PPL: variants seen among roughly 807,000 people sequenced by gnomAD.
PPL encodes 190 kDa paraneoplastic pemphigus antigen.
PPL carries 198 observed loss-of-function variants against 194.4 expected under a neutral mutation model. The observed-to-expected ratio is 1.02, with a 90% CI of 0.91 to 1.15. The LOEUF (loss-of-function observed/expected upper bound fraction) is 1.15. Among genes scored for constraint, PPL ranks in the 50% most tolerant of loss-of-function variants. The pLI, the probability that PPL is intolerant of heterozygous loss-of-function variation, is 0.00. For synonymous variants in PPL, 1,220 were observed against 972.4 expected (o/e 1.25, Z -4.74); for missense variants, 2,885 against 2,294.8 (o/e 1.26, Z -5.25).
intron 7 of PPL, 44 bp downstream of exon 7, chr16:4,899,178 TC>T (rs1260962845): frequency 6.2e-7 from 1 of 1,613,550 alleles, no homozygotes; most frequent in Admixed American, 1.7e-5. Context: ...CCGTGCTCCT[TC>T]CAGGGCTGCC....
intron 10 of PPL, 47 bp downstream of exon 10, chr16:4,895,547 G>A (rs199746301): frequency 6.0e-5 from 97 of 1,612,176 alleles, no homozygotes; most frequent in Non-Finnish European, 6.9e-5. Context: ...TGGTGTAGAG[G>A]GGTCCCCCGC....
chr16:4,923,520 G>A (rs912424653), intron 1 of PPL, among the ~76,000 whole-genome samples: 5 of 152,192 alleles, frequency 3.3e-5, no homozygotes, highest in Non-Finnish European at 5.9e-5. Flanking sequence ...CTGGGTGGGG[G>A]TGGCTTCAAG....
intron 2 of PPL, among the ~76,000 whole-genome samples, chr16:4,907,342 ACACACACACACAC>A (rs2088710639): frequency 8.7e-6 from 1 of 115,304 alleles, no homozygotes; most frequent in East Asian, 2.8e-4. Context: ...ACACACACAC[ACACACACACACAC>A]GGACAGATAC....
intron 1 of PPL, among the ~76,000 whole-genome samples, chr16:4,913,045 A>T (rs942397923): frequency 1.3e-5 from 2 of 151,932 alleles, no homozygotes; most frequent in Non-Finnish European, 2.9e-5. Flanking sequence ...TGGAGGTGGC[A>T]GTGAGCTGAG....
chr16:4,921,770 G>T (rs569745287), intron 1 of PPL, among the ~76,000 whole-genome samples: 13 of 152,120 alleles, frequency 8.5e-5, no homozygotes, highest in African/African-American at 2.9e-4. Context: ...CCTGGCCCCA[G>T]CCTGCATTAG....
At chr16:4,908,208 G>C (rs1399054318) in intron 2 of PPL, among the ~76,000 whole-genome samples, 1 of 150,048 alleles carries the variant, frequency 6.7e-6, no homozygotes, top group Non-Finnish European at 1.5e-5. Flanking sequence ...AAATTGTTCA[G>C]GCCAAGCACA....
Position 4,888,181 on chromosome 16 carries a change from A to T in PPL, c.2435T>A (p.Leu812His), listed in dbSNP as rs1567991233. 1.2e-6 allele frequency: 2 copies of T among 1,613,594 alleles called. No individual in the cohort carries two copies. The highest frequency in any genetic ancestry group is 2.7e-5 in the African/African-American group (2 of 74,918). Reference sequence around the variant, plus strand: ...GCTTCTCCTTCCATTCTCCAAGTCGAGAAGAGACCTTAGTTTTTCTGCTTC... The same window carrying T: ...GCTTCTCCTTCCATTCTCCAAGTCGTGAAGAGACCTTAGTTTTTCTGCTTC... Reference protein sequence around the residue: ...ELEAEKLRSLLDLENGRRSHV... With the variant: ...ELEAEKLRSLHDLENGRRSHV... Residue 812 changes from leucine (L) to histidine (H), a missense_variant, in exon 20 of 22, where the codon CTC becomes CAC. By Grantham distance (99) the Leu-to-His change is moderately conservative. Transcript: ENST00000345988.
chr16:4,937,080 GGGCCGGGCGCGCACCGAGGGGC>G lies in PPL; in HGVS notation c.-57_-36del, dbSNP rs1189241987. 1.2e-5 allele frequency: 16 copies of G among 1,306,256 alleles called. No homozygotes were observed. The highest frequency in any genetic ancestry group is 1.6e-5 in the Non-Finnish European group (16 of 1,020,424). The allele number at this position is 1,306,256 out of a possible 1,614,324, so 80.9% of individuals were successfully genotyped here. A position where few individuals can be genotyped will look rare whatever the true frequency, so the allele number is the denominator to read the frequency against. Reference sequence around the variant, plus strand: ...CGGGGTGCGGGCGGCGGCGGCTGGCGGGCCGGGCGCGCACCGAGGGGCGGGCGGGAGCGCAGGTGAGCGAGCG... The same window carrying G: ...CGGGGTGCGGGCGGCGGCGGCTGGCGGGGCGGGAGCGCAGGTGAGCGAGCG... On this transcript the variant is annotated 5_prime_UTR_variant, in exon 1 of 22. Transcript: ENST00000345988.
rs889396569 is a variant in PPL, at chr16:4,884,358, C to A, written c.4297G>T (p.Glu1433Ter). 1 of 1,612,370 alleles carries A rather than the reference C, an allele frequency of 6.2e-7. No homozygotes were observed. The highest frequency in any genetic ancestry group is 8.5e-7 in the Non-Finnish European group (1 of 1,179,678). Residue 1433 changes from glutamate to a stop codon, truncating the protein, a stop_gained, in exon 22 of 22, where the codon GAA becomes TAA. Coordinates refer to ENST00000345988, the MANE Select transcript of PPL (RefSeq NM_002705.5). LOFTEE classifies it high-confidence loss of function. The surrounding 1 kb of genome is among the most constrained non-coding windows in gnomAD (Gnocchi z 5.7). ...ACCTTCTCACGGGCCTCAGCTTCTT[C>A]CTGCTCCAGCGCTGCCAGCCGCTGC... The part of the protein sequence containing the change: ...LQQRLAALEQ[E>*]EAEAREKVTH...
intron 1 of PPL, among the ~76,000 whole-genome samples, chr16:4,914,196 G>A (rs375824148): frequency 2.0e-5 from 3 of 152,192 alleles, no homozygotes; most frequent in Non-Finnish European, 2.9e-5. Context: ...GTTCTTGACC[G>A]TCAAGGCAGA....
In PPL at chr16:4,936,926, TC is replaced by T. The variant is rs1568074413; in HGVS notation, c.62+57del. 1.8e-5 allele frequency: 28 copies of T among 1,517,252 alleles called. No individual in the cohort carries two copies. The African/African-American group carries it at 2.7e-4, about 15-fold the overall frequency. The allele number at this position is 1,517,252 out of a possible 1,614,324, so 94.0% of individuals were successfully genotyped here. A position where few individuals can be genotyped will look rare whatever the true frequency, so the allele number is the denominator to read the frequency against. ...TACACTGCCCGGGAGGTCTTCCAGG[TC>T]CTGTGCGCCCACAGGGGCAAGAGCG... On this transcript the variant is annotated intron_variant, in intron 1 of 21. Transcript: ENST00000345988.
rs1311200245 is a variant in PPL at position 4,885,261 on chromosome 16, C to G, written c.3394G>C (p.Asp1132His). The G allele has an allele frequency of 6.2e-7, 1 of 1,612,526 alleles. No homozygotes were observed. Among genetic ancestry groups the G allele is most frequent in the African/African-American group, 1.3e-5 (1 of 74,884 alleles). ...KDAATEREVS[D>H]LTRQYEDEAA... ...TCGTCCTCATATTGGCGGGTGAGAT[C>G]GCTGACCTCCCTCTCGGTGGCCGCG... Residue 1132 changes from aspartate (D) to histidine (H), a missense_variant, in exon 22 of 22, where the codon GAT (aspartate) becomes CAT (histidine). By Grantham distance (81) the Asp-to-His change is moderately conservative. Coordinates refer to ENST00000345988, the MANE Select transcript of PPL (RefSeq NM_002705.5). This position sits in a 1 kb window ranked among gnomAD's most constrained non-coding sequence, Gnocchi z 6.3.
Position 4,883,771 on chromosome 16 carries a change from G to A in PPL, c.4884C>T (p.Asp1628=). ...ELDDLKRLSK[D]KDLEIDELQK... Reference sequence around the variant, plus strand: ...GCAGCTCGTCGATCTCGAGGTCTTTGTCCTTGGAGAGCCTCTTGAGGTCAT... The same window carrying A: ...GCAGCTCGTCGATCTCGAGGTCTTTATCCTTGGAGAGCCTCTTGAGGTCAT... The change falls in exon 22 of 22, where the codon GAC becomes GAT. Residue 1628 remains aspartate, a synonymous_variant. Coordinates refer to ENST00000345988, the MANE Select transcript of PPL (RefSeq NM_002705.5). This position sits in a 1 kb window ranked among gnomAD's most constrained non-coding sequence, Gnocchi z 4.8. 6.2e-7 allele frequency: 1 copy of A among 1,614,122 alleles called. No homozygotes were observed. Among genetic ancestry groups the A allele is most frequent in the Non-Finnish European group, 8.5e-7 (1 of 1,180,036 alleles).
At chr16:4,925,234 C>T (rs1415596976) in intron 1 of PPL, among the ~76,000 whole-genome samples, 2 of 152,236 alleles carry the variant, frequency 1.3e-5, no homozygotes, top group African/African-American at 4.8e-5. Flanking sequence ...GTCCTGCCTG[C>T]CTGGAGGGCC....
rs1247756318 is a variant in PPL at position 4,884,380 on chromosome 16, C to A, written c.4275G>T (p.Gln1425His). ...CTTCCTGCTCCAGCGCTGCCAGCCG[C>A]TGCTGCAACCGCTGTACCTCGCGCT... ...EAEREVQRLQ[Q>H]RLAALEQEEA... Residue 1425 changes from glutamine (Q) to histidine (H), a missense_variant, in exon 22 of 22, where the codon CAG (glutamine) becomes CAT (histidine). Gln to His is a conservative substitution (Grantham distance 24). Coordinates refer to ENST00000345988, the MANE Select transcript of PPL (RefSeq NM_002705.5). This position sits in a 1 kb window ranked among gnomAD's most constrained non-coding sequence, Gnocchi z 5.7. The A allele has an allele frequency of 6.2e-7, 1 of 1,611,622 alleles. No homozygotes were observed. Among genetic ancestry groups the A allele is most frequent in the African/African-American group, 1.3e-5 (1 of 74,838 alleles).
rs1262143577 is a variant in PPL, at chr16:4,901,163, C to T, written c.439-74G>A. On this transcript the variant is annotated intron_variant, in intron 4 of 21. Coordinates refer to ENST00000345988, the MANE Select transcript of PPL (RefSeq NM_002705.5). ...GGGGACGTGTGGCCACCCCAGGAGC[C>T]TCGGGGGTGGGCATGATGGTGCTCT... 5.2e-6 allele frequency: 8 copies of T among 1,531,598 alleles called. No individual in the cohort carries two copies. The Admixed American group carries it at 5.7e-5, about 11-fold the overall frequency. The allele number at this position is 1,531,598 out of a possible 1,614,324, so 94.9% of individuals were successfully genotyped here.
In PPL at chr16:4,885,576, G is replaced by A. The variant is rs542364903; in HGVS notation, c.3079C>T (p.Arg1027Trp). The A allele has an allele frequency of 1.4e-5, 22 of 1,611,178 alleles. No homozygotes were observed. Among genetic ancestry groups the A allele is most frequent in the African/African-American group, 1.1e-4 (8 of 75,014 alleles). The change falls in exon 22 of 22, where the codon CGG becomes TGG. Residue 1027 changes from arginine (R) to tryptophan (W), a missense_variant. By Grantham distance (101) the Arg-to-Trp change is moderately radical. Coordinates refer to ENST00000345988, the MANE Select transcript of PPL (RefSeq NM_002705.5). The surrounding 1 kb of genome is among the most constrained non-coding windows in gnomAD (Gnocchi z 6.3). The stretch of plus-strand genomic sequence containing the variant: ...TGCAGGAGGAGCACCTCTGCCTCCC[G>A]GGCGCCCTTCTGCCGCCTCAGTGCC... ...LEALRRQKGAREAEVLLLQQR... is the reference protein window; with the variant it reads ...LEALRRQKGAWEAEVLLLQQR...
chr16:4,910,442 A>C (rs1287728083), intron 2 of PPL, among the ~76,000 whole-genome samples: 1 of 152,086 alleles, frequency 6.6e-6, no homozygotes, highest in African/African-American at 2.4e-5. Context: ...GTCCAAGGTC[A>C]CCCAGCAAGG....
Position 4,887,350 on chromosome 16 carries a change from C to T in PPL, c.2515-123G>A, listed in dbSNP as rs184611581. 9.8e-6 allele frequency: 7 copies of T among 717,450 alleles called. No individual in the cohort carries two copies. The African/African-American group carries it at 1.0e-4, about 11-fold the overall frequency. The allele number at this position is 717,450 out of a possible 1,614,324, so 44.4% of individuals were successfully genotyped here. A position where few individuals can be genotyped will look rare whatever the true frequency, so the allele number is the denominator to read the frequency against. ...GGAATTTGGGGGTAGAGGCATAGCTCTTGCCCACTCCTGCCTGGAGTTAGA... is the reference window on the plus strand; with the variant it reads ...GGAATTTGGGGGTAGAGGCATAGCTTTTGCCCACTCCTGCCTGGAGTTAGA... On this transcript the variant is annotated intron_variant, in intron 20 of 21. Transcript: ENST00000345988.
Sources: allele counts gnomAD v4.1 joint callset (sites outside exome capture counted in the v4.1 genomes callset), GRCh38; gene constraint gnomAD v4.1.1; non-coding constraint Gnocchi (gnomAD v3.1); transcripts MANE v1.5; gene names NCBI Gene and HGNC (gene_info 2026-07-23, HGNC 2026-07-21).